The following PRKDC variants were observed in gnomAD, a reference collection of about 807,000 sequenced individuals.
The protein encoded by PRKDC is protein kinase, DNA-activated, catalytic subunit, also known as DNA-dependent protein kinase catalytic subunit.
Under a neutral mutation model 486.9 loss-of-function variants are expected in PRKDC, and 82 were observed. The observed-to-expected ratio is 0.17, with a 90% confidence interval of 0.14 to 0.20. PRKDC has a LOEUF of 0.20. Ranked by LOEUF, PRKDC falls within the 10% of genes least tolerant of loss-of-function variation. The pLI is 1.00. For synonymous variants in PRKDC, 1,895 were observed against 1,837.0 expected (o/e 1.03, Z -0.81); for missense variants, 4,504 against 5,038.2 (o/e 0.89, Z 3.21).
At chr8:47,774,793 GT>G (rs935821750) in intron 85 of PRKDC, among the ~76,000 whole-genome samples, 1 of 151,778 alleles carries the variant, frequency 6.6e-6, no homozygotes, top group African/African-American at 2.4e-5. Context: ...AAAAGAGAAA[GT>G]TTTAAAAATT....
At chr8:47,845,513 A>G (rs2088244234) in intron 54 of PRKDC, among the ~76,000 whole-genome samples, 1 of 152,126 alleles carries the variant, frequency 6.6e-6, no homozygotes, top group African/African-American at 2.4e-5. Flanking sequence ...TATTGTGAAC[A>G]CTCTACGTAA....
chr8:47,850,243 GA>G (rs2154500232), intron 52 of PRKDC, among the ~76,000 whole-genome samples: 1 of 152,298 alleles, frequency 6.6e-6, no homozygotes, highest in African/African-American at 2.4e-5. Flanking sequence ...ACATCAGAAA[GA>G]GGGGTAGGCA....
intron 7 of PRKDC, among the ~76,000 whole-genome samples, chr8:47,947,731 A>T (rs2090557864): frequency 6.6e-6 from 1 of 152,122 alleles, no homozygotes. Flanking sequence ...AACATGGTGA[A>T]ACCCCGTCTC....
chr8:47,827,146 ACACACACACACACACACACG>A (rs2087758363), intron 62 of PRKDC, among the ~76,000 whole-genome samples: 1 of 148,578 alleles, frequency 6.7e-6, no homozygotes, highest in African/African-American at 2.6e-5. Flanking sequence ...ACACACACAC[ACACACACACACACACACACG>A]TAAATTAGAA....
intron 7 of PRKDC, among the ~76,000 whole-genome samples, chr8:47,948,497 T>C (rs1179692042): frequency 6.9e-6 from 1 of 145,528 alleles, no homozygotes; most frequent in Non-Finnish European, 1.5e-5. Flanking sequence ...TTTGTTCTTG[T>C]CGCCCAGGCT....
intron 68 of PRKDC, among the ~76,000 whole-genome samples, chr8:47,815,027 A>G (rs1367413390): frequency 6.6e-6 from 1 of 152,100 alleles, no homozygotes; most frequent in Non-Finnish European, 1.5e-5. Context: ...TTAGCCAGGC[A>G]TGGTGGCGCA....
Position 47,927,842 on chromosome 8 carries a change from A to G in PRKDC, c.2188T>C (p.Leu730=). The G allele has an allele frequency of 6.3e-7, 1 of 1,597,596 alleles. No homozygotes were observed. Among genetic ancestry groups the G allele is most frequent in the Non-Finnish European group, 8.5e-7 (1 of 1,173,112 alleles). ...TGTGGCAAGGACAGAAGAAAGGTCAAACAAGAGGCCAAAAGTTCATCTTTG... is the reference window on the plus strand; with the variant it reads ...TGTGGCAAGGACAGAAGAAAGGTCAGACAAGAGGCCAAAAGTTCATCTTTG... ...QYKDELLASC[L]TFLLSLPHNI... is the part of the protein sequence containing the mutation. Residue 730 remains leucine (L), a synonymous_variant, in exon 20 of 86, where the codon TTG becomes CTG. Coordinates refer to ENST00000314191, the MANE Select transcript of PRKDC (RefSeq NM_006904.7).
chr8:47,925,497 A>G (rs1427916684), intron 21 of PRKDC, among the ~76,000 whole-genome samples: 4 of 152,256 alleles, frequency 2.6e-5, no homozygotes, highest in Non-Finnish European at 5.9e-5. Context: ...AGTTACAACT[A>G]AAAGTAACAC....
chr8:47,779,538 G>C (rs947643976), intron 80 of PRKDC, among the ~76,000 whole-genome samples: 7 of 152,186 alleles, frequency 4.6e-5, no homozygotes, highest in African/African-American at 1.2e-4. Context: ...GCACAGTTTT[G>C]CTAAAGATGG....
At chr8:47,955,486 A>T (rs1185173370) in intron 4 of PRKDC, among the ~76,000 whole-genome samples, 3 of 151,056 alleles carry the variant, frequency 2.0e-5, no homozygotes, top group Non-Finnish European at 4.4e-5. Flanking sequence ...AAAAAAAAAA[A>T]AGAAAACATA....
chr8:47,807,082 A>G, intron 69 of PRKDC, 55 bp downstream of exon 69: 2 of 1,517,940 alleles, frequency 1.3e-6, no homozygotes, highest in Non-Finnish European at 8.9e-7. Context: ...ATTAGAGAAA[A>G]GCTAATTTAG....
At chr8:47,861,000 A>G (rs1193357316) in intron 44 of PRKDC, 29 bp from the exon 45 acceptor site, 6 of 1,451,378 alleles carry the variant, frequency 4.1e-6, no homozygotes, top group Non-Finnish European at 5.6e-6. Flanking sequence ...AAACAATGTA[A>G]AACATTTTAT....
rs968739439 is a variant in PRKDC at position 47,916,871 on chromosome 8, C to T, written c.2526+1406G>A. Among the ~76,000 whole-genome samples, 7 of 152,120 alleles carry T rather than the reference C, an allele frequency of 4.6e-5. No individual in the cohort carries two copies. In the South Asian group the frequency reaches 6.2e-4, roughly 14 times the overall value. ...ATCATAATACCGTGGTGCAAATTAA[C>T]GGAGTAAAAATAGCTTTGGCCTTGC... On this transcript the variant is annotated intron_variant, in intron 22 of 85. Transcript: ENST00000314191.
In PRKDC at chr8:47,828,379, G is replaced by A. The variant is rs779350532; in HGVS notation, c.8398-32C>T. 4 of 1,513,462 alleles carry A rather than the reference G, an allele frequency of 2.6e-6. No individual in the cohort carries two copies. In the East Asian group the frequency reaches 6.8e-5, roughly 26 times the overall value. 93.8% of individuals were successfully genotyped at this position (1,513,462 alleles called of 1,614,324 possible). On this transcript the variant is annotated intron_variant, in intron 61 of 85. Transcript: ENST00000314191. ...AAAATTCAAAACAAAGACAAATTAG[G>A]ATCTGAAGCAAAAATGCTATAAATC...
At chr8:47,780,833 A>C (rs2086687190) in intron 80 of PRKDC, among the ~76,000 whole-genome samples, 2 of 152,060 alleles carry the variant, frequency 1.3e-5, no homozygotes, top group South Asian at 2.1e-4. Flanking sequence ...AGCTACTCGG[A>C]AGGCTGAGGC....
In PRKDC at chr8:47,849,511, A is replaced by T; in HGVS notation, c.7006-8T>A. On this transcript the variant is annotated splice_region_variant and splice_polypyrimidine_tract_variant and intron_variant, in intron 52 of 85. Transcript: ENST00000314191. ...CAGAGACTCCTCCAGTATCTGAAAA[A>T]TTAAGTTTATTTTCAAATACACAAA... 1.9e-6 allele frequency: 3 copies of T among 1,608,628 alleles called. No individual in the cohort carries two copies. The highest frequency in any genetic ancestry group is 2.5e-6 in the Non-Finnish European group (3 of 1,178,352).
At chr8:47,852,578 AATACC>A (rs1359533773) in intron 52 of PRKDC, 90 bp downstream of exon 52, 11 of 711,644 alleles carry the variant, frequency 1.5e-5, no homozygotes, top group African/African-American at 3.6e-5. Flanking sequence ...TTTTGTTTCT[AATACC>A]ATACAAGAAA....
At chr8:47,794,211 G>A (rs1166738468) in intron 74 of PRKDC, 79 bp downstream of exon 74, 8 of 1,094,252 alleles carry the variant, frequency 7.3e-6, no homozygotes, top group South Asian at 4.6e-5. Flanking sequence ...AACAAATGTA[G>A]TGTCCACGTG....
At chr8:47,781,919 A>G (rs953202104) in intron 80 of PRKDC, among the ~76,000 whole-genome samples, 2 of 152,214 alleles carry the variant, frequency 1.3e-5, no homozygotes. Context: ...TAATTTTATT[A>G]TTATTTATTT....
Sources: allele counts gnomAD v4.1 joint callset (sites outside exome capture counted in the v4.1 genomes callset), GRCh38; gene constraint gnomAD v4.1.1; transcripts MANE v1.5; gene names NCBI Gene and HGNC (gene_info 2026-07-23, HGNC 2026-07-21).